PGR: variants seen among roughly 807,000 people sequenced by gnomAD.
The protein encoded by PGR is nuclear receptor subfamily 3 group C member 3.
A neutral mutation model predicts 76.1 loss-of-function variants in PGR; 25 were observed. The ratio of observed to expected loss-of-function variants is 0.33; its 90% CI spans 0.24 to 0.46. PGR has a LOEUF of 0.46. Among genes scored for constraint, PGR ranks in the 20% least tolerant of loss-of-function variants. The pLI is 1.00. For missense variants in PGR, 1,172 were observed against 1,225.3 expected, an observed-to-expected ratio of 0.96 and a Z score of 0.65; for synonymous variants, 579 against 535.0, an observed-to-expected ratio of 1.08 and a Z score of -1.14.
intron 4 of PGR, among the ~76,000 whole-genome samples, chr11:101,051,828 T>C (rs1860099315): frequency 6.6e-6 from 1 of 152,140 alleles, no homozygotes; most frequent in South Asian, 2.1e-4. Context: ...CATCCATCAC[T>C]CATTCATGCA....
intron 2 of PGR, among the ~76,000 whole-genome samples, chr11:101,100,629 A>G (rs1861968320): frequency 6.6e-6 from 1 of 152,116 alleles, no homozygotes; most frequent in Middle Eastern, 3.4e-3. Context: ...ACACACACAC[A>G]CACACAATAC....
chr11:101,067,046 G>A (rs1294361461), intron 3 of PGR, among the ~76,000 whole-genome samples: 1 of 152,064 alleles, frequency 6.6e-6, no homozygotes, highest in East Asian at 1.9e-4. Context: ...GCTCTACAAG[G>A]CCCAACTTAC....
At chr11:101,096,181 T>G (rs1443679914) in intron 2 of PGR, among the ~76,000 whole-genome samples, 1 of 152,166 alleles carries the variant, frequency 6.6e-6, no homozygotes, top group Non-Finnish European at 1.5e-5. Flanking sequence ...AAGGATAATT[T>G]TTAATAATTA....
chr11:101,059,235 T>C (rs1192060817), intron 4 of PGR, among the ~76,000 whole-genome samples: 2 of 152,084 alleles, frequency 1.3e-5, no homozygotes, highest in African/African-American at 4.8e-5. Context: ...CTTTAGTCCT[T>C]GAAGCCAAAA....
chr11:101,054,744 A>G (rs1262083952), intron 4 of PGR, among the ~76,000 whole-genome samples: 2 of 152,190 alleles, frequency 1.3e-5, no homozygotes, highest in African/African-American at 4.8e-5. Context: ...TTCATAAGTA[A>G]AAATCACAAT....
intron 2 of PGR, among the ~76,000 whole-genome samples, chr11:101,092,326 T>TA (rs969006308): frequency 4.0e-5 from 6 of 151,828 alleles, no homozygotes; most frequent in South Asian, 2.1e-4. Flanking sequence ...AAAGACCTTT[T>TA]AAAAAAAAAT....
chr11:101,055,175 G>A (rs1860242486), intron 4 of PGR, among the ~76,000 whole-genome samples: 1 of 151,992 alleles, frequency 6.6e-6, no homozygotes, highest in Admixed American at 6.6e-5. Context: ...AGCACTTTGG[G>A]AGGCCGAGGT....
chr11:101,086,082 T>G (rs1359093435), intron 3 of PGR, among the ~76,000 whole-genome samples: 1 of 152,096 alleles, frequency 6.6e-6, no homozygotes, highest in African/African-American at 2.4e-5. Context: ...GAAAGACTCC[T>G]CCCTAACTCG....
chr11:101,127,337 C>G (rs996294109), intron 1 of PGR, 97 bp downstream of exon 1: 3 of 906,960 alleles, frequency 3.3e-6, no homozygotes, highest in Admixed American at 7.7e-5. Context: ...GGGAGCGCAG[C>G]GGTGCGCTGG....
At chr11:101,073,250 G>A (rs1861008692) in intron 3 of PGR, among the ~76,000 whole-genome samples, 1 of 152,152 alleles carries the variant, frequency 6.6e-6, no homozygotes, top group South Asian at 2.1e-4. Flanking sequence ...AATTAAGGCA[G>A]AAATAAATAA....
chr11:101,100,167 T>G (rs1056111387), intron 2 of PGR, among the ~76,000 whole-genome samples: 1 of 152,170 alleles, frequency 6.6e-6, no homozygotes, highest in Admixed American at 6.5e-5. Context: ...TGGGAGGTAA[T>G]TGAATCATGG....
chr11:101,086,575 T>G (rs1253873753), intron 3 of PGR, among the ~76,000 whole-genome samples: 3 of 152,140 alleles, frequency 2.0e-5, no homozygotes, highest in Non-Finnish European at 4.4e-5. Context: ...ACACTGGAAG[T>G]GCTAGCCAGA....
chr11:101,038,518 T>C lies in PGR; in HGVS notation c.*598A>G, dbSNP rs1859587185. On this transcript the variant is annotated 3_prime_UTR_variant, in exon 8 of 8. Coordinates refer to ENST00000325455, the MANE Select transcript of PGR (RefSeq NM_000926.4). ...TTTGTGTTTCCAATCTGGAAAATGG[T>C]CTTAACATATGAGTTGTTTTGCCTA... 1 of 229,076 alleles carries C rather than the reference T, an allele frequency of 4.4e-6. No homozygotes were observed. The highest frequency in any genetic ancestry group is 2.2e-5 in the African/African-American group (1 of 45,112). The allele number at this position is 229,076 out of a possible 1,614,324, so 14.2% of individuals were successfully genotyped here. A position where few individuals can be genotyped will look rare whatever the true frequency, so the allele number is the denominator to read the frequency against.
At chr11:101,084,274 AT>A (rs1296034138) in intron 3 of PGR, among the ~76,000 whole-genome samples, 1 of 152,198 alleles carries the variant, frequency 6.6e-6, no homozygotes, top group Non-Finnish European at 1.5e-5. Context: ...ACTATGAGTC[AT>A]TTAAATGTCA....
intron 3 of PGR, among the ~76,000 whole-genome samples, chr11:101,081,872 T>C (rs546292170): frequency 8.5e-5 from 13 of 152,274 alleles, no homozygotes; most frequent in African/African-American, 2.6e-4. Flanking sequence ...AGCAAACAGC[T>C]AACAACTAAA....
In PGR at chr11:101,051,587, A is replaced by C. The variant is rs1860090518; in HGVS notation, c.2213-19T>G. 8.9e-6 allele frequency: 14 copies of C among 1,569,458 alleles called. No homozygotes were observed. Among genetic ancestry groups the C allele is most frequent in the Non-Finnish European group, 1.2e-5 (14 of 1,140,392 alleles). ...CGAAAACCTACAAAACAAATTTAAA[A>C]ATACAGTGACCATAAAAATGACTGA... On this transcript the variant is annotated intron_variant, in intron 4 of 7. Transcript: ENST00000325455.
rs751106946 is a variant in PGR, at chr11:101,127,827, G to A, written c.1244C>T (p.Pro415Leu). The A allele has an allele frequency of 6.3e-7, 1 of 1,578,428 alleles. No homozygotes were observed. Among genetic ancestry groups the A allele is most frequent in the Non-Finnish European group, 8.6e-7 (1 of 1,169,440 alleles). The change falls in exon 1 of 8, where the codon CCG (proline) becomes CTG (leucine). Residue 415 changes from proline to leucine, a missense_variant. By Grantham distance (98) the Pro-to-Leu change is moderately conservative. Transcript: ENST00000325455. Reference sequence around the variant, plus strand: ...GGGCGGTGGCCCCAACGGGAAATCCGGGAAGGCTGCGGGGTTGGCACCGGC... The same window carrying A: ...GGGCGGTGGCCCCAACGGGAAATCCAGGAAGGCTGCGGGGTTGGCACCGGC... ...LVAGANPAAF[P>L]DFPLGPPPPL... is the part of the protein sequence containing the mutation.
rs1268569410 is a variant in PGR at position 101,036,941 on chromosome 11, T to C, written c.*2175A>G. ...GTTCCCTGAGTCCATCACTTAAGCA[T>C]AAAGGGCTAATAATATTGTTTTTGT... On this transcript the variant is annotated 3_prime_UTR_variant, in exon 8 of 8. Coordinates refer to ENST00000325455, the MANE Select transcript of PGR (RefSeq NM_000926.4). 4.9e-6 allele frequency: 1 copy of C among 202,408 alleles called. No homozygotes were observed. Among genetic ancestry groups the C allele is most frequent in the African/African-American group, 2.3e-5 (1 of 43,670 alleles). The allele number at this position is 202,408 out of a possible 1,614,324, so 12.5% of individuals were successfully genotyped here. A position where few individuals can be genotyped will look rare whatever the true frequency, so the allele number is the denominator to read the frequency against.
intron 3 of PGR, among the ~76,000 whole-genome samples, chr11:101,091,353 CAG>C (rs755604257): frequency 7.9e-5 from 12 of 152,170 alleles, no homozygotes; most frequent in Non-Finnish European, 1.5e-4. Flanking sequence ...GACCAATTTG[CAG>C]AGTCAATTTT....
Sources: allele counts gnomAD v4.1 joint callset (sites outside exome capture counted in the v4.1 genomes callset), GRCh38; gene constraint gnomAD v4.1.1; transcripts MANE v1.5; gene names NCBI Gene and HGNC (gene_info 2026-07-23, HGNC 2026-07-21).